Variants in IL1RAPL2 observed in about 807,000 individuals in gnomAD.
The protein encoded by IL1RAPL2 is X-linked interleukin-1 receptor accessory protein-like 2.
IL1RAPL2 carries 3 observed loss-of-function variants against 44.1 expected under a neutral mutation model. That is an observed-to-expected ratio of 0.07 (90% CI 0.03 to 0.18). IL1RAPL2 has a LOEUF of 0.18. Among genes scored for constraint, IL1RAPL2 ranks in the 10% least tolerant of loss-of-function variants. The pLI is 1.00. For synonymous variants in IL1RAPL2, 181 were observed against 178.8 expected, an observed-to-expected ratio of 1.01 and a Z score of -0.10; for missense variants, 391 against 496.4, an observed-to-expected ratio of 0.79 and a Z score of 2.02.
chrX:105,310,916 ATC>A (rs756117467), intron 5 of IL1RAPL2, among the ~76,000 whole-genome samples: 26 of 111,586 alleles, frequency 2.3e-4, no homozygotes, highest in Non-Finnish European at 5.7e-5. Context: ...GAATGTAAAA[ATC>A]TCTGACTTCT....
At chrX:104,926,842 T>A (rs528716662) in intron 2 of IL1RAPL2, among the ~76,000 whole-genome samples, 2 of 111,578 alleles carry the variant, frequency 1.8e-5, no homozygotes, top group East Asian at 2.8e-4. Context: ...CAAATACCAA[T>A]CAACTCAGGC....
intron 5 of IL1RAPL2, among the ~76,000 whole-genome samples, chrX:105,469,279 A>C (rs1271488659): frequency 9.0e-6 from 1 of 110,885 alleles, no homozygotes; most frequent in African/African-American, 3.3e-5. Flanking sequence ...AATTGAGGAA[A>C]CTAAGTGTTT....
intron 3 of IL1RAPL2, among the ~76,000 whole-genome samples, chrX:105,203,520 T>C (rs1246947925): frequency 8.1e-5 from 4 of 49,187 alleles, no homozygotes; most frequent in Admixed American, 5.2e-4. Context: ...TAAAACTATT[T>C]ATAAAAAAAA....
chrX:105,035,530 A>G (rs2031612975), intron 2 of IL1RAPL2, among the ~76,000 whole-genome samples: 1 of 112,317 alleles, frequency 8.9e-6, no homozygotes, highest in Admixed American at 9.5e-5. Context: ...TAAGAAACTA[A>G]TAGTCTCTGA....
At chrX:105,644,496 G>A (rs1286128677) in intron 6 of IL1RAPL2, among the ~76,000 whole-genome samples, 3 of 111,659 alleles carry the variant, frequency 2.7e-5, no homozygotes, top group African/African-American at 9.8e-5. Context: ...TGGTAAAGAA[G>A]TAGGGACAAA....
rs192359516 is a variant in IL1RAPL2, at chrX:104,919,022, T to C, written c.82+260027T>C. Among the ~76,000 whole-genome samples the C allele has an allele frequency of 4.5e-5, 5 of 111,432 alleles. No individual in the cohort carries two copies. In the East Asian group the frequency reaches 1.4e-3, roughly 32 times the overall value. Reference sequence around the variant, plus strand: ...CATCCATAGGAAAATTCATAGATGATAATCTCTTCATAAGAGGACGAACAT... The same window carrying C: ...CATCCATAGGAAAATTCATAGATGACAATCTCTTCATAAGAGGACGAACAT... On this transcript the variant is annotated intron_variant, in intron 2 of 10. Transcript: ENST00000372582.
intron 2 of IL1RAPL2, among the ~76,000 whole-genome samples, chrX:104,996,577 G>GC (rs2030752135): frequency 8.9e-6 from 1 of 111,998 alleles, no homozygotes; most frequent in Non-Finnish European, 1.9e-5. Flanking sequence ...AAGCCCATTG[G>GC]CTCTTTTTCT....
chrX:104,611,588 AG>A (rs775639660), intron 1 of IL1RAPL2, among the ~76,000 whole-genome samples: 1 of 111,127 alleles, frequency 9.0e-6, no homozygotes, highest in South Asian at 3.9e-4. Context: ...CTGTAATCTC[AG>A]CACTTTGGGA....
At chrX:104,899,072 G>A (rs1057175410) in intron 2 of IL1RAPL2, among the ~76,000 whole-genome samples, 4 of 111,876 alleles carry the variant, frequency 3.6e-5, no homozygotes, top group Non-Finnish European at 7.5e-5. Context: ...GGAGGTTATG[G>A]TTACAGCTGA....
intron 5 of IL1RAPL2, among the ~76,000 whole-genome samples, chrX:105,322,029 C>T (rs2034900909): frequency 8.9e-6 from 1 of 112,794 alleles, no homozygotes; most frequent in South Asian, 3.6e-4. Context: ...GCATATTTAA[C>T]AAGAAATAGT....
At chrX:105,641,475 G>A (rs1201283518) in intron 6 of IL1RAPL2, among the ~76,000 whole-genome samples, 1 of 111,662 alleles carries the variant, frequency 9.0e-6, no homozygotes, top group African/African-American at 3.3e-5. Flanking sequence ...TCCATAACAC[G>A]GGGAAAGGCT....
intron 2 of IL1RAPL2, among the ~76,000 whole-genome samples, chrX:104,950,842 G>C (rs1472205681): frequency 9.9e-5 from 11 of 111,128 alleles, no homozygotes; most frequent in African/African-American, 2.9e-4. Flanking sequence ...CGAGTAGCTG[G>C]GACTACAGGC....
intron 2 of IL1RAPL2, among the ~76,000 whole-genome samples, chrX:104,985,976 A>G (rs1428018703): frequency 8.9e-6 from 1 of 112,161 alleles, no homozygotes; most frequent in African/African-American, 3.2e-5. Flanking sequence ...AAGCCAATAC[A>G]TCAATTTCAT....
intron 6 of IL1RAPL2, among the ~76,000 whole-genome samples, chrX:105,560,591 T>C (rs921006082): frequency 1.8e-5 from 2 of 110,084 alleles, no homozygotes; most frequent in Non-Finnish European, 3.8e-5. Context: ...GCTAACTTTT[T>C]GTATTTCTAG....
At chrX:105,317,926 G>A in intron 5 of IL1RAPL2, among the ~76,000 whole-genome samples, 1 of 108,544 alleles carries the variant, frequency 9.2e-6, no homozygotes, top group Non-Finnish European at 1.9e-5. Flanking sequence ...GGGATTCAAA[G>A]TTCATACATT....
chrX:105,150,738 G>A (rs922341978), intron 2 of IL1RAPL2, among the ~76,000 whole-genome samples: 4 of 111,835 alleles, frequency 3.6e-5, no homozygotes, highest in Non-Finnish European at 7.5e-5. Flanking sequence ...ATTACCCTCT[G>A]TTTATGCACT....
At chrX:104,791,886 G>A (rs1207383825) in intron 2 of IL1RAPL2, among the ~76,000 whole-genome samples, 1 of 110,637 alleles carries the variant, frequency 9.0e-6, no homozygotes, top group Non-Finnish European at 1.9e-5. Flanking sequence ...TTTGACTTTG[G>A]GTTTTCTTCT....
chrX:105,440,830 G>A (rs998191067), intron 5 of IL1RAPL2, among the ~76,000 whole-genome samples: 1 of 111,287 alleles, frequency 9.0e-6, no homozygotes, highest in Non-Finnish European at 1.9e-5. Flanking sequence ...AATCATGGGG[G>A]GTGGTTTCCC....
At chrX:104,798,726 C>A (rs1290191504) in intron 2 of IL1RAPL2, among the ~76,000 whole-genome samples, 1 of 111,105 alleles carries the variant, frequency 9.0e-6, no homozygotes, top group Non-Finnish European at 1.9e-5. Context: ...CCATTTCCAT[C>A]TTCTTTCACT....
Sources: allele counts gnomAD v4.1 joint callset (sites outside exome capture counted in the v4.1 genomes callset), GRCh38; gene constraint gnomAD v4.1.1; transcripts MANE v1.5; gene names NCBI Gene and HGNC (gene_info 2026-07-23, HGNC 2026-07-21).